The following UHRF2 variants were observed in gnomAD, a reference collection of about 807,000 sequenced individuals.
UHRF2 encodes the protein ubiquitin like with PHD and ring finger domains 2.
UHRF2 carries 23 observed loss-of-function variants against 96.8 expected under a neutral mutation model. The ratio of observed to expected loss-of-function variants is 0.24; its 90% CI spans 0.17 to 0.34. UHRF2 has a LOEUF of 0.34. Ranked by LOEUF, UHRF2 falls within the 10% of genes least tolerant of loss-of-function variation. The probability of loss-of-function intolerance (pLI) is 1.00; values close to 1 mark genes in which losing one functional copy is unlikely to be tolerated. For missense variants in UHRF2, 685 were observed against 981.5 expected, an observed-to-expected ratio of 0.70 and a Z score of 4.04; for synonymous variants, 385 against 332.6, an observed-to-expected ratio of 1.16 and a Z score of -1.72.
chr9:6,506,103 A>G lies in UHRF2; in HGVS notation c.2333A>G (p.Asn778Ser), dbSNP rs1203182268. ...GCTTGCCGGCATGATCTTGGCCAGA[A>G]TTACATCATGATTCCCAATGAGATT... Reference protein sequence around the residue: ...CPACRHDLGQNYIMIPNEILQ... With the variant: ...CPACRHDLGQSYIMIPNEILQ... The change falls in exon 16 of 16, where the codon AAT (asparagine) becomes AGT (serine). Residue 778 changes from asparagine to serine, a missense_variant. By Grantham distance (46) the Asn-to-Ser change is conservative. Transcript: ENST00000276893. 1 of 1,614,174 alleles carries G rather than the reference A, an allele frequency of 6.2e-7. No homozygotes were observed.
intron 1 of UHRF2, among the ~76,000 whole-genome samples, chr9:6,416,535 CTTTTTTTTTTTTTTT>C (rs60522189): frequency 1.5e-5 from 1 of 64,932 alleles, no homozygotes; most frequent in African/African-American, 6.2e-5. Context: ...ATCTCTAAAT[CTTTTTTTTTTTTTTT>C]TTTTTTTTTT....
chr9:6,497,107 A>G, intron 10 of UHRF2, 91 bp from the exon 11 acceptor site: 1 of 1,086,812 alleles, frequency 9.2e-7, no homozygotes, highest in Non-Finnish European at 1.3e-6. Context: ...CCATCAGGTA[A>G]GGTATAATTC....
At chr9:6,450,327 TAAAC>T (rs1821783414) in intron 3 of UHRF2, among the ~76,000 whole-genome samples, 1 of 116,890 alleles carries the variant, frequency 8.6e-6, no homozygotes, top group African/African-American at 3.3e-5. Flanking sequence ...TTTATTTAAA[TAAAC>T]TGTGTCATTT....
In UHRF2 at chr9:6,481,593, C is replaced by G. The variant is rs747614857; in HGVS notation, c.1161-50C>G. 4.4e-6 allele frequency: 7 copies of G among 1,591,010 alleles called. No individual in the cohort carries two copies. In the African/African-American group the frequency reaches 6.8e-5, roughly 15 times the overall value. ...AGGAAGGCTAATATTCTGTTACTAG[C>G]TTTAATATGGTATTGTGAAAATGCC... On this transcript the variant is annotated intron_variant, in intron 6 of 15. Transcript: ENST00000276893.
In UHRF2 at chr9:6,420,858, T is replaced by C. The variant is rs1489377776; in HGVS notation, c.154-54T>C. On this transcript the variant is annotated intron_variant, in intron 1 of 15. Coordinates refer to ENST00000276893, the MANE Select transcript of UHRF2 (RefSeq NM_152896.3). ...GCTAGGACATTTGAGCAACTAAAAA[T>C]GTAGTAAGATACATTTTAGAGAAGC... 7 of 1,435,502 alleles carry C rather than the reference T, an allele frequency of 4.9e-6. No homozygotes were observed. In the Admixed American group the frequency reaches 1.0e-4, roughly 21 times the overall value. The allele number at this position is 1,435,502 out of a possible 1,614,324, so 88.9% of individuals were successfully genotyped here.
At position 6,450,815 on chromosome 9, in the gene UHRF2, C is replaced by G. The variant is rs529767220; in HGVS notation, c.645-9758C>G. On this transcript the variant is annotated intron_variant, in intron 3 of 15. Transcript: ENST00000276893. ...AATGTTTCTTTGTGTTCAGGTATAACAGAATGTTCCAGCCCTGGGTTCAGC... is the reference window on the plus strand; with the variant it reads ...AATGTTTCTTTGTGTTCAGGTATAAGAGAATGTTCCAGCCCTGGGTTCAGC... Among the ~76,000 whole-genome samples the G allele has an allele frequency of 3.3e-5, 5 of 152,256 alleles. No individual in the cohort carries two copies. In the East Asian group the frequency reaches 9.6e-4, roughly 29 times the overall value.
At chr9:6,419,731 G>C (rs150753425) in intron 1 of UHRF2, among the ~76,000 whole-genome samples, 48 of 152,038 alleles carry the variant, frequency 3.2e-4, no homozygotes, top group African/African-American at 1.1e-3. Context: ...GAAACATTTT[G>C]GGATTTATTT....
intron 3 of UHRF2, among the ~76,000 whole-genome samples, chr9:6,434,999 GT>G (rs58171060): frequency 0.95 from 138,146 of 145,606 alleles, 65,520 homozygotes; most frequent in East Asian, 0.99. Context: ...TGTTTGGCTA[GT>G]TTTTTTTTTT....
At chr9:6,473,701 G>A (rs1368958570) in intron 4 of UHRF2, among the ~76,000 whole-genome samples, 1 of 152,112 alleles carries the variant, frequency 6.6e-6, no homozygotes, top group Non-Finnish European at 1.5e-5. Flanking sequence ...AGTTTAACAT[G>A]GGGGCCAGAT....
intron 3 of UHRF2, among the ~76,000 whole-genome samples, chr9:6,450,311 C>G (rs935056196): frequency 2.7e-5 from 4 of 145,636 alleles, no homozygotes; most frequent in East Asian, 2.2e-4. Context: ...CCTTCCCCCC[C>G]CCCCATTTAT....
intron 8 of UHRF2, among the ~76,000 whole-genome samples, chr9:6,482,496 C>G (rs1326478488): frequency 6.6e-6 from 1 of 151,998 alleles, no homozygotes; most frequent in Non-Finnish European, 1.5e-5. Flanking sequence ...TGAACAAATG[C>G]TAAGACATTG....
At chr9:6,433,450 C>T (rs939645588) in intron 2 of UHRF2, among the ~76,000 whole-genome samples, 1 of 152,128 alleles carries the variant, frequency 6.6e-6, no homozygotes, top group East Asian at 1.9e-4. Context: ...ATAATTCTCT[C>T]ATTTTCAAGT....
chr9:6,464,072 G>T (rs1235423700), intron 4 of UHRF2, among the ~76,000 whole-genome samples: 1 of 152,158 alleles, frequency 6.6e-6, no homozygotes, highest in African/African-American at 2.4e-5. Flanking sequence ...CAGTATGAGA[G>T]TTCCTGTTGT....
In UHRF2 at chr9:6,467,595, GT is replaced by G. The variant is rs34366483; in HGVS notation, c.863+6826del. Among the ~76,000 whole-genome samples the G allele has an allele frequency of 7.6e-3, 753 of 99,164 alleles. 2 individuals carry two copies. Among genetic ancestry groups the G allele is most frequent in the Non-Finnish European group, 0.011 (563 of 51,696 alleles). 65.1% of individuals were successfully genotyped at this position (99,164 alleles called of 152,430 possible). A position where few individuals can be genotyped will look rare whatever the true frequency, so the allele number is the denominator to read the frequency against. Reference sequence around the variant, plus strand: ...GTATTTCATAGATTCCGAGAGAATAGTTTTTTTTTTTTTTTTTTTTTTGGTA... The same window carrying G: ...GTATTTCATAGATTCCGAGAGAATAGTTTTTTTTTTTTTTTTTTTTTGGTA... On this transcript the variant is annotated intron_variant, in intron 4 of 15. Coordinates refer to ENST00000276893, the MANE Select transcript of UHRF2 (RefSeq NM_152896.3).
chr9:6,425,992 ATTGT>A (rs1243515274), intron 2 of UHRF2, among the ~76,000 whole-genome samples: 8 of 152,104 alleles, frequency 5.3e-5, no homozygotes, highest in African/African-American at 1.9e-4. Flanking sequence ...TTTTGAATTG[ATTGT>A]TTGGGCATTG....
At chr9:6,484,884 C>T (rs1404191887) in intron 8 of UHRF2, among the ~76,000 whole-genome samples, 1 of 147,966 alleles carries the variant, frequency 6.8e-6, no homozygotes, top group East Asian at 2.0e-4. Context: ...ACCTCCGCCT[C>T]CTGGTTTCAA....
intron 9 of UHRF2, among the ~76,000 whole-genome samples, chr9:6,490,543 A>T (rs1034573968): frequency 6.6e-6 from 1 of 152,180 alleles, no homozygotes; most frequent in Non-Finnish European, 1.5e-5. Context: ...CAGGAGAATC[A>T]CTTGAACCCA....
intron 4 of UHRF2, among the ~76,000 whole-genome samples, chr9:6,473,078 C>G (rs1823346818): frequency 6.6e-6 from 1 of 152,122 alleles, no homozygotes; most frequent in Non-Finnish European, 1.5e-5. Flanking sequence ...ACCTTTCCCA[C>G]TGAAAGAAAC....
intron 3 of UHRF2, among the ~76,000 whole-genome samples, chr9:6,460,053 C>G (rs563020502): frequency 6.6e-6 from 1 of 152,326 alleles, no homozygotes; most frequent in African/African-American, 2.4e-5. Context: ...CCCCTACTTT[C>G]CCAGCTAGCA....
Sources: gnomAD v4.1 joint callset for allele counts (sites outside exome capture counted in the v4.1 genomes callset) on GRCh38, gnomAD v4.1.1 for gene constraint, MANE v1.5 for transcripts, NCBI Gene and HGNC (gene_info 2026-07-23, HGNC 2026-07-21) for gene names.